The following RABEP1 variants were observed in gnomAD, a reference collection of about 807,000 sequenced individuals.
RABEP1 encodes the protein rab GTPase-binding effector protein 1.
Under a neutral mutation model 123.4 loss-of-function variants are expected in RABEP1, and 51 were observed. That is an observed-to-expected ratio of 0.41 (90% CI 0.33 to 0.52). RABEP1 has a LOEUF of 0.52. Ranked by LOEUF, RABEP1 falls within the 20% of genes least tolerant of loss-of-function variation. The pLI is 0.16. For synonymous variants in RABEP1, 347 were observed against 355.2 expected, an observed-to-expected ratio of 0.98 and a Z score of 0.26; for missense variants, 888 against 996.3, an observed-to-expected ratio of 0.89 and a Z score of 1.46.
intron 3 of RABEP1, among the ~76,000 whole-genome samples, chr17:5,333,423 A>G (rs577578920): frequency 6.6e-6 from 1 of 152,260 alleles, no homozygotes; most frequent in South Asian, 2.1e-4. Context: ...CGGCCTCCCA[A>G]AGTGCTGGGA....
chr17:5,338,314 C>T, intron 5 of RABEP1, 176 bp downstream of exon 5: 1 of 751,828 alleles, frequency 1.3e-6, no homozygotes, highest in South Asian at 2.3e-5. Flanking sequence ...GTAATCCCAG[C>T]ACTTTGGGAG....
chr17:5,341,402 A>G (rs1430289651), intron 5 of RABEP1, among the ~76,000 whole-genome samples: 1 of 152,258 alleles, frequency 6.6e-6, no homozygotes, highest in Non-Finnish European at 1.5e-5. Flanking sequence ...AAATTATTCC[A>G]AAACAGGAAA....
intron 15 of RABEP1, 137 bp from the exon 16 acceptor site, chr17:5,380,227 A>G: frequency 1.6e-6 from 1 of 609,858 alleles, no homozygotes. Context: ...GGATCCACAG[A>G]GCTGAAAGGG....
Position 5,335,326 on chromosome 17 carries a change from A to G in RABEP1, c.510A>G (p.Leu170=), listed in dbSNP as rs771660158. 1 of 1,612,314 alleles carries G rather than the reference A, an allele frequency of 6.2e-7. No individual in the cohort carries two copies. Among genetic ancestry groups the G allele is most frequent in the East Asian group, 2.2e-5 (1 of 44,846 alleles). Residue 170 remains leucine (L), a synonymous_variant, in exon 4 of 18, where the codon TTA becomes TTG. Transcript: ENST00000537505. ...RLSEGQEEEN[L]ENEMKKAQED... is the part of the protein sequence containing the mutation. ...CTGAAGGTCAAGAGGAGGAAAATTT[A>G]GAAAATGAAATGAAAAAGGTATGAA...
At chr17:5,282,786 T>TG (rs1176024935) in intron 1 of RABEP1, among the ~76,000 whole-genome samples, 13 of 146,262 alleles carry the variant, frequency 8.9e-5, no homozygotes, top group Admixed American at 7.4e-4. Context: ...CTGGGTAGCG[T>TG]GGGGTAGTGT....
At chr17:5,304,884 C>G (rs2075166701) in intron 1 of RABEP1, among the ~76,000 whole-genome samples, 1 of 152,148 alleles carries the variant, frequency 6.6e-6, no homozygotes, top group African/African-American at 2.4e-5. Flanking sequence ...TCTTTTCTGG[C>G]TACATACAAA....
intron 2 of RABEP1, among the ~76,000 whole-genome samples, chr17:5,316,160 C>T (rs1381772769): frequency 2.6e-5 from 4 of 152,126 alleles, no homozygotes; most frequent in Non-Finnish European, 4.4e-5. Flanking sequence ...ACTAAAAGTA[C>T]TGCTAGTAGG....
intron 14 of RABEP1, 66 bp from the exon 15 acceptor site, chr17:5,378,104 AAAATTTT>A: frequency 7.9e-7 from 1 of 1,269,494 alleles, no homozygotes. Context: ...GGGGTGCTCT[AAAATTTT>A]AAAGAAAAAA....
chr17:5,330,891 GT>G (rs761950853), intron 2 of RABEP1, among the ~76,000 whole-genome samples: 161 of 152,078 alleles, frequency 1.1e-3, no homozygotes, highest in Non-Finnish European at 1.6e-3. Context: ...GGGCGTGATG[GT>G]GCATGCCTGC....
In RABEP1 at chr17:5,354,439, A is replaced by G; in HGVS notation, c.1044A>G (p.Val348=). 6.2e-7 allele frequency: 1 copy of G among 1,613,274 alleles called. No individual in the cohort carries two copies. The highest frequency in any genetic ancestry group is 1.1e-5 in the South Asian group (1 of 90,996). ...ADVEEEIKIP[V]VCALTQEESS... is the part of the protein sequence containing the mutation. ...TTGAGGAAGAAATAAAAATACCAGTAGTGTGTGCTTTAACTCAAGAAGAAT... is the reference window on the plus strand; with the variant it reads ...TTGAGGAAGAAATAAAAATACCAGTGGTGTGTGCTTTAACTCAAGAAGAAT... The change falls in exon 8 of 18, where the codon GTA becomes GTG. Residue 348 remains valine (V), a synonymous_variant. Coordinates refer to ENST00000537505, the MANE Select transcript of RABEP1 (RefSeq NM_004703.6).
At chr17:5,316,832 C>CAAAAAAAAAAAAAAA (rs55890740) in intron 2 of RABEP1, among the ~76,000 whole-genome samples, 2 of 67,184 alleles carry the variant, frequency 3.0e-5, no homozygotes, top group Admixed American at 2.3e-4. Flanking sequence ...GACTCTGTCT[C>CAAAAAAAAAAAAAAA]AAAAAAAAAA....
At position 5,384,109 on chromosome 17, in the gene RABEP1, C is replaced by G. The variant is rs866705037; in HGVS notation, c.*886C>G. 9 of 213,386 alleles carry G rather than the reference C, an allele frequency of 4.2e-5. 1 individual carries two copies. The highest frequency in any genetic ancestry group is 3.0e-3 in the Middle Eastern group (2 of 674). 13.2% of individuals were successfully genotyped at this position (213,386 alleles called of 1,614,324 possible). ...TTTTCAACTTGGATCATTAGGCTTA[C>G]GTACTACTTGTTTCAAATGTGTCAA... On this transcript the variant is annotated 3_prime_UTR_variant, in exon 18 of 18. Coordinates refer to ENST00000537505, the MANE Select transcript of RABEP1 (RefSeq NM_004703.6).
At chr17:5,298,204 C>T (rs1189580307) in intron 1 of RABEP1, among the ~76,000 whole-genome samples, 1 of 152,158 alleles carries the variant, frequency 6.6e-6, no homozygotes, top group East Asian at 1.9e-4. Context: ...TAAGTAACCC[C>T]CACTGTAGAG....
intron 1 of RABEP1, among the ~76,000 whole-genome samples, chr17:5,302,318 G>T (rs533220178): frequency 7.1e-6 from 1 of 140,638 alleles, no homozygotes; most frequent in South Asian, 2.2e-4. Flanking sequence ...TCAGCTCACT[G>T]CAGCCTTGTC....
At chr17:5,321,803 G>A (rs1321881591) in intron 2 of RABEP1, among the ~76,000 whole-genome samples, 1 of 152,230 alleles carries the variant, frequency 6.6e-6, no homozygotes, top group Non-Finnish European at 1.5e-5. Context: ...GCTTATACCT[G>A]TAATCTCATT....
intron 1 of RABEP1, among the ~76,000 whole-genome samples, chr17:5,297,773 G>A (rs2075097014): frequency 6.6e-6 from 1 of 152,204 alleles, no homozygotes; most frequent in Non-Finnish European, 1.5e-5. Flanking sequence ...GAAGGAACCA[G>A]CTTAGTGGGA....
chr17:5,293,457 GTCTC>G (rs761663702), intron 1 of RABEP1, among the ~76,000 whole-genome samples: 1 of 151,942 alleles, frequency 6.6e-6, no homozygotes, highest in Non-Finnish European at 1.5e-5. Flanking sequence ...TTGAGACAGG[GTCTC>G]TCTCCATCAC....
At position 5,383,267 on chromosome 17, in the gene RABEP1, T is replaced by A. The variant is rs1911649873; in HGVS notation, c.*44T>A. The A allele has an allele frequency of 6.9e-7, 1 of 1,442,218 alleles. No homozygotes were observed. The highest frequency in any genetic ancestry group is 9.8e-7 in the Non-Finnish European group (1 of 1,024,458). 89.3% of individuals were successfully genotyped at this position (1,442,218 alleles called of 1,614,324 possible). A position where few individuals can be genotyped will look rare whatever the true frequency, so the allele number is the denominator to read the frequency against. ...CTAGCCTGCACTTTGGGTTTTTAAC[T>A]CATCTTTAGAGCAACAGTAATTATT... On this transcript the variant is annotated 3_prime_UTR_variant, in exon 18 of 18. Transcript: ENST00000537505.
intron 12 of RABEP1, among the ~76,000 whole-genome samples, chr17:5,368,969 G>A (rs1044090504): frequency 6.6e-5 from 10 of 152,094 alleles, no homozygotes; most frequent in African/African-American, 2.2e-4. Context: ...CTAGCCGGGC[G>A]TGGTGGTGTG....
Sources: allele counts gnomAD v4.1 joint callset (sites outside exome capture counted in the v4.1 genomes callset), GRCh38; gene constraint gnomAD v4.1.1; transcripts MANE v1.5; gene names NCBI Gene and HGNC (gene_info 2026-07-23, HGNC 2026-07-21).